The following SCHIP1 variants were observed in gnomAD, a reference collection of about 807,000 sequenced individuals.
The protein encoded by SCHIP1 is schwannomin-interacting protein 1.
Under a neutral mutation model 29.7 loss-of-function variants are expected in SCHIP1, and 8 were observed. That is an observed-to-expected ratio of 0.27 (90% CI 0.16 to 0.49). The LOEUF is 0.49. Ranked by LOEUF, SCHIP1 falls within the 20% of genes least tolerant of loss-of-function variation. The pLI is 0.99. For missense variants in SCHIP1, 193 were observed against 294.6 expected (o/e 0.66, Z 2.52); for synonymous variants, 76 against 94.9 (o/e 0.80, Z 1.16).
the SCHIP1 span, among the ~76,000 whole-genome samples, chr3:159,699,483 A>G: frequency 6.6e-6 from 1 of 152,196 alleles, no homozygotes; most frequent in African/African-American, 2.4e-5. Context: ...GAGTGAAGTC[A>G]TCTGGGATGT....
chr3:159,731,180 A>G, the SCHIP1 span, among the ~76,000 whole-genome samples: 4 of 152,254 alleles, frequency 2.6e-5, no homozygotes, highest in Non-Finnish European at 4.4e-5. Flanking sequence ...AAGCATTTTC[A>G]AAGACAATAT....
chr3:159,890,288 TA>T (rs987087673), intron 5 of SCHIP1, among the ~76,000 whole-genome samples: 5 of 152,172 alleles, frequency 3.3e-5, no homozygotes, highest in East Asian at 1.9e-4. Flanking sequence ...GGAAATTCAT[TA>T]AACTGTTTTC....
chr3:159,869,788 A>G (rs574842436), intron 2 of SCHIP1, among the ~76,000 whole-genome samples: 3 of 151,986 alleles, frequency 2.0e-5, no homozygotes, highest in South Asian at 4.1e-4. Flanking sequence ...CTATAGACCA[A>G]TTTAGGAAGC....
the SCHIP1 span, among the ~76,000 whole-genome samples, chr3:159,653,749 TAAAAAA>T: frequency 9.2e-6 from 1 of 108,866 alleles, no homozygotes; most frequent in Non-Finnish European, 2.2e-5. Flanking sequence ...GAACTTAAAG[TAAAAAA>T]AAAAAAAAAA....
At chr3:159,557,631 C>T in the SCHIP1 span, among the ~76,000 whole-genome samples, 8 of 152,274 alleles carry the variant, frequency 5.3e-5, no homozygotes, top group Non-Finnish European at 8.8e-5. Context: ...GCCTGGGCAA[C>T]ATAGTGAGAC....
the SCHIP1 span, among the ~76,000 whole-genome samples, chr3:159,496,190 A>G: frequency 2.6e-5 from 4 of 152,256 alleles, no homozygotes; most frequent in Admixed American, 1.3e-4. Flanking sequence ...GGACATAGGC[A>G]TGGGCAAGGA....
the SCHIP1 span, among the ~76,000 whole-genome samples, chr3:159,338,695 C>T: frequency 2.0e-5 from 3 of 152,042 alleles, no homozygotes; most frequent in Non-Finnish European, 4.4e-5. Flanking sequence ...TTGAATCAGG[C>T]TGGTACCCAG....
chr3:159,432,825 T>C, the SCHIP1 span, among the ~76,000 whole-genome samples: 11 of 152,174 alleles, frequency 7.2e-5, no homozygotes, highest in African/African-American at 2.7e-4. Flanking sequence ...AGGGAGCGGA[T>C]GCATCAGTGG....
chr3:159,495,899 G>A, the SCHIP1 span, among the ~76,000 whole-genome samples: 2 of 152,114 alleles, frequency 1.3e-5, no homozygotes, highest in African/African-American at 4.8e-5. Flanking sequence ...CAGGTACCAA[G>A]ACAGAGATAT....
At chr3:159,451,859 C>G in the SCHIP1 span, among the ~76,000 whole-genome samples, 1 of 152,094 alleles carries the variant, frequency 6.6e-6, no homozygotes, top group African/African-American at 2.4e-5. Context: ...TGTAGAGAGA[C>G]AGAGATCAGG....
chr3:159,471,353 C>T, the SCHIP1 span, among the ~76,000 whole-genome samples: 1 of 151,944 alleles, frequency 6.6e-6, no homozygotes, highest in Non-Finnish European at 1.5e-5. Flanking sequence ...AGCGGCCTAA[C>T]CAAAATGAGG....
At chr3:159,286,151 T>G in the SCHIP1 span, among the ~76,000 whole-genome samples, 1 of 152,180 alleles carries the variant, frequency 6.6e-6, no homozygotes, top group Non-Finnish European at 1.5e-5. Flanking sequence ...GGGTTTGGTG[T>G]ATAAACTATT....
At chr3:159,848,305 C>T (rs1412578673) in intron 1 of SCHIP1, among the ~76,000 whole-genome samples, 1 of 152,116 alleles carries the variant, frequency 6.6e-6, no homozygotes, top group East Asian at 1.9e-4. Context: ...CCATCTTATG[C>T]ATGGACAGTT....
the SCHIP1 span, among the ~76,000 whole-genome samples, chr3:159,587,470 CTTT>C: frequency 6.6e-6 from 1 of 151,478 alleles, no homozygotes; most frequent in Non-Finnish European, 1.5e-5. Context: ...GAATACATAA[CTTT>C]TTTATTTTTA....
the SCHIP1 span, among the ~76,000 whole-genome samples, chr3:159,463,082 A>G: frequency 2.6e-5 from 4 of 151,782 alleles, no homozygotes; most frequent in African/African-American, 4.8e-5. Context: ...GACATGGGGA[A>G]AGTCTGTAGA....
chr3:159,398,921 G>A, the SCHIP1 span: 1 of 977,568 alleles, frequency 1.0e-6, no homozygotes, highest in African/African-American at 1.8e-5. Flanking sequence ...ATACTATACA[G>A]AACTTAAATT....
At chr3:159,703,715 T>G in the SCHIP1 span, among the ~76,000 whole-genome samples, 1 of 152,212 alleles carries the variant, frequency 6.6e-6, no homozygotes, top group East Asian at 1.9e-4. Flanking sequence ...TTTATTCTTG[T>G]TAAGAAACAA....
chr3:159,298,053 G>C, the SCHIP1 span, among the ~76,000 whole-genome samples: 73 of 152,298 alleles, frequency 4.8e-4, no homozygotes, highest in Admixed American at 7.8e-4. Context: ...AGTTTGCTCT[G>C]TTTGTTCACT....
At chr3:159,551,977 T>C in the SCHIP1 span, among the ~76,000 whole-genome samples, 1 of 152,004 alleles carries the variant, frequency 6.6e-6, no homozygotes, top group Non-Finnish European at 1.5e-5. Context: ...AATTTGCACT[T>C]GCTTGTGGTA....
Sources: gnomAD v4.1 joint callset for allele counts (sites outside exome capture counted in the v4.1 genomes callset) on GRCh38, gnomAD v4.1.1 for gene constraint, MANE v1.5 for transcripts, NCBI Gene and HGNC (gene_info 2026-07-23, HGNC 2026-07-21) for gene names.